The following MCC variants were observed in gnomAD, a reference collection of about 807,000 sequenced individuals.
MCC encodes colorectal mutant cancer protein.
In MCC, 90 loss-of-function variants were observed where a neutral mutation model predicts 116.2. The ratio of observed to expected loss-of-function variants is 0.77; its 90% CI spans 0.65 to 0.92. The LOEUF (loss-of-function observed/expected upper bound fraction) is 0.92. Among genes scored for constraint, MCC ranks in the 40% least tolerant of loss-of-function variants. The probability of loss-of-function intolerance (pLI) is 0.00; values close to 1 mark genes in which losing one functional copy is unlikely to be tolerated. For synonymous variants in MCC, 578 were observed against 510.5 expected (o/e 1.13, Z -1.78); for missense variants, 1,516 against 1,312.2 (o/e 1.16, Z -2.40).
chr5:113,031,502 A>AG (rs70973663), intron 17 of MCC, among the ~76,000 whole-genome samples: 1 of 151,668 alleles, frequency 6.6e-6, no homozygotes, highest in Non-Finnish European at 1.5e-5. Flanking sequence ...TAAAAACAGC[A>AG]GGGAAGGGTT....
chr5:113,047,451 G>T (rs544712836), intron 16 of MCC, among the ~76,000 whole-genome samples: 1 of 152,344 alleles, frequency 6.6e-6, no homozygotes, highest in South Asian at 2.1e-4. Context: ...CAAGTGGGAG[G>T]TGGAGAAGGG....
intron 2 of MCC, among the ~76,000 whole-genome samples, chr5:113,353,444 AAAAT>A (rs1554078344): frequency 6.6e-6 from 1 of 152,200 alleles, no homozygotes; most frequent in Non-Finnish European, 1.5e-5. Flanking sequence ...GTTTATGAAA[AAAAT>A]AAAGATTATA....
intron 5 of MCC, among the ~76,000 whole-genome samples, chr5:113,129,677 TA>T (rs1758309605): frequency 6.6e-6 from 1 of 152,264 alleles, no homozygotes; most frequent in East Asian, 1.9e-4. Context: ...GGGCAAAGGA[TA>T]TGAACAGACA....
intron 6 of MCC, among the ~76,000 whole-genome samples, chr5:113,115,728 T>C (rs763794290): frequency 1.2e-4 from 19 of 152,068 alleles, no homozygotes; most frequent in Non-Finnish European, 2.4e-4. Context: ...TTCACACATA[T>C]GTGAAAAGAA....
At chr5:113,368,570 T>G (rs1270660746) in intron 2 of MCC, among the ~76,000 whole-genome samples, 1 of 152,202 alleles carries the variant, frequency 6.6e-6, no homozygotes, top group Non-Finnish European at 1.5e-5. Flanking sequence ...TTATTTCTTA[T>G]TTTTTCCCAC....
At chr5:113,224,218 C>A (rs1763651404) in intron 3 of MCC, among the ~76,000 whole-genome samples, 1 of 152,088 alleles carries the variant, frequency 6.6e-6, no homozygotes, top group South Asian at 2.1e-4. Flanking sequence ...CCTCAGCCTT[C>A]CGAGTAGTTG....
At chr5:113,337,453 G>C (rs994518985) in intron 3 of MCC, among the ~76,000 whole-genome samples, 1 of 152,142 alleles carries the variant, frequency 6.6e-6, no homozygotes, top group East Asian at 1.9e-4. Context: ...TCTTTGAAAG[G>C]GGTCTGAATC....
At chr5:113,333,820 CAT>C (rs1324023777) in intron 3 of MCC, among the ~76,000 whole-genome samples, 6 of 85,542 alleles carry the variant, frequency 7.0e-5, no homozygotes, top group South Asian at 3.0e-4. Flanking sequence ...TATATATGTA[CAT>C]ATATGTATAT....
intron 2 of MCC, among the ~76,000 whole-genome samples, chr5:113,383,685 C>T (rs1769179644): frequency 6.6e-6 from 1 of 151,792 alleles, no homozygotes; most frequent in Non-Finnish European, 1.5e-5. Flanking sequence ...TACTTGAATA[C>T]TCAGAAAGTT....
rs376637790 is a variant in MCC, at chr5:113,083,008, C to A, written c.1636G>T (p.Val546Leu). Reference sequence around the variant, plus strand: ...AGGTGTTCAGCCACACTGCTGGATACCTGCAAAAAGAAGCATTAATTCCCC... The same window carrying A: ...AGGTGTTCAGCCACACTGCTGGATAACTGCAAAAAGAAGCATTAATTCCCC... Reference protein sequence around the residue: ...VLGSEISSIGVSSSVAEHLAH... With the variant: ...VLGSEISSIGLSSSVAEHLAH... The change falls in exon 11 of 19, where the codon GTA becomes TTA. Residue 546 changes from valine to leucine, a missense_variant and splice_region_variant. Physicochemically the swap from Val to Leu is conservative, Grantham distance 32. Coordinates refer to ENST00000408903, the MANE Select transcript of MCC (RefSeq NM_001085377.2). The A allele has an allele frequency of 1.2e-6, 2 of 1,607,784 alleles. No homozygotes were observed. Among genetic ancestry groups the A allele is most frequent in the African/African-American group, 1.3e-5 (1 of 74,458 alleles).
chr5:113,474,012 G>C (rs959647480), intron 1 of MCC, among the ~76,000 whole-genome samples: 2 of 152,148 alleles, frequency 1.3e-5, no homozygotes, highest in Non-Finnish European at 2.9e-5. Flanking sequence ...AGTAGCAGGG[G>C]CACTGAATTT....
intron 1 of MCC, among the ~76,000 whole-genome samples, chr5:113,469,633 G>C (rs1162174032): frequency 6.6e-6 from 1 of 151,654 alleles, no homozygotes; most frequent in Non-Finnish European, 1.5e-5. Flanking sequence ...TAGGTGTGGT[G>C]TGGTGCTGAA....
At chr5:113,487,188 TTTGC>T (rs1175714911) in intron 1 of MCC, among the ~76,000 whole-genome samples, 1 of 151,738 alleles carries the variant, frequency 6.6e-6, no homozygotes, top group African/African-American at 2.4e-5. Flanking sequence ...AATTCCGCAC[TTTGC>T]TTTCTTTTTT....
At chr5:113,352,390 T>C (rs1053937312) in intron 2 of MCC, among the ~76,000 whole-genome samples, 4 of 151,922 alleles carry the variant, frequency 2.6e-5, no homozygotes, top group African/African-American at 9.7e-5. Flanking sequence ...CAGGCAAAAA[T>C]AAATAAATAA....
At chr5:113,141,888 A>G (rs1035866332) in intron 5 of MCC, among the ~76,000 whole-genome samples, 31 of 152,166 alleles carry the variant, frequency 2.0e-4, no homozygotes, top group African/African-American at 7.5e-4. Flanking sequence ...CACTTTCTCA[A>G]GTGTTTAAAA....
chr5:113,096,501 G>A (rs1561806152), intron 8 of MCC, among the ~76,000 whole-genome samples: 1 of 152,162 alleles, frequency 6.6e-6, no homozygotes, highest in Non-Finnish European at 1.5e-5. Flanking sequence ...TCACGGCCAA[G>A]CCCGGCTGGT....
At chr5:113,058,773 G>C (rs1440617086) in intron 14 of MCC, among the ~76,000 whole-genome samples, 1 of 152,218 alleles carries the variant, frequency 6.6e-6, no homozygotes, top group East Asian at 1.9e-4. Flanking sequence ...CTAAGTTGTG[G>C]AAAGGATACG....
intron 1 of MCC, among the ~76,000 whole-genome samples, chr5:113,467,381 C>A (rs1771940561): frequency 6.6e-6 from 1 of 151,730 alleles, no homozygotes; most frequent in Non-Finnish European, 1.5e-5. Flanking sequence ...AGGAAGGGAT[C>A]CAGTTTCAAC....
chr5:113,318,611 A>T (rs1767345906), intron 3 of MCC, among the ~76,000 whole-genome samples: 1 of 152,152 alleles, frequency 6.6e-6, no homozygotes. Context: ...GTTCTTACTT[A>T]TAAGTGGGAG....
Sources: allele counts gnomAD v4.1 joint callset (sites outside exome capture counted in the v4.1 genomes callset), GRCh38; gene constraint gnomAD v4.1.1; transcripts MANE v1.5; gene names NCBI Gene and HGNC (gene_info 2026-07-23, HGNC 2026-07-21).